Variants in ANKH observed in about 807,000 individuals in gnomAD.
ANKH encodes the protein ANKH inorganic pyrophosphate transport regulator.
A neutral mutation model predicts 49.0 loss-of-function variants in ANKH; 15 were observed. The observed-to-expected ratio is 0.31, with a 90% CI of 0.20 to 0.47. The LOEUF is 0.47. Among genes scored for constraint, ANKH ranks in the 20% least tolerant of loss-of-function variants. The probability of loss-of-function intolerance (pLI) is 1.00; values close to 1 mark genes in which losing one functional copy is unlikely to be tolerated. For synonymous variants in ANKH, 273 were observed against 260.0 expected (o/e 1.05, Z -0.48); for missense variants, 429 against 652.0 (o/e 0.66, Z 3.72).
intron 2 of ANKH, among the ~76,000 whole-genome samples, chr5:14,759,038 G>A (rs1183499218): frequency 6.6e-6 from 1 of 152,180 alleles, no homozygotes; most frequent in Non-Finnish European, 1.5e-5. Context: ...AATGCTTGGT[G>A]GCTAGGTTTG....
At chr5:14,776,219 T>C (rs1739617391) in intron 1 of ANKH, among the ~76,000 whole-genome samples, 1 of 152,120 alleles carries the variant, frequency 6.6e-6, no homozygotes, top group Non-Finnish European at 1.5e-5. Context: ...TTTTCTGGGT[T>C]GAGGAAATGA....
chr5:14,744,608 G>C (rs900135498), intron 7 of ANKH, among the ~76,000 whole-genome samples: 1 of 76,344 alleles, frequency 1.3e-5, no homozygotes, highest in East Asian at 2.5e-4. Flanking sequence ...GAAACTGCTC[G>C]GGAACTGCAG....
At chr5:14,773,363 T>TTTTG in intron 1 of ANKH, among the ~76,000 whole-genome samples, 1 of 145,948 alleles carries the variant, frequency 6.9e-6, no homozygotes, top group African/African-American at 2.5e-5. Context: ...CTTTTTTTTT[T>TTTTG]TTTTTTTTTT....
intron 1 of ANKH, among the ~76,000 whole-genome samples, chr5:14,815,111 T>TA (rs1740993355): frequency 6.6e-6 from 1 of 152,226 alleles, no homozygotes; most frequent in Admixed American, 6.5e-5. Context: ...GTAAACTGTG[T>TA]AGAATATTCT....
intron 1 of ANKH, among the ~76,000 whole-genome samples, chr5:14,795,402 C>T (rs140738388): frequency 2.4e-4 from 37 of 152,240 alleles, no homozygotes; most frequent in African/African-American, 7.2e-4. Context: ...TACAATAATA[C>T]GTTGTGGTTC....
intron 8 of ANKH, among the ~76,000 whole-genome samples, chr5:14,723,707 A>C (rs1737739561): frequency 6.6e-6 from 1 of 152,202 alleles, no homozygotes; most frequent in African/African-American, 2.4e-5. Flanking sequence ...TATTTGACAG[A>C]CTGTGATTCA....
At chr5:14,841,449 C>T (rs1292557850) in intron 1 of ANKH, among the ~76,000 whole-genome samples, 1 of 152,028 alleles carries the variant, frequency 6.6e-6, no homozygotes, top group East Asian at 1.9e-4. Flanking sequence ...GGCATGTGCC[C>T]CAACGCCTGG....
chr5:14,866,093 G>A (rs1034959566), intron 1 of ANKH, among the ~76,000 whole-genome samples: 19 of 152,240 alleles, frequency 1.2e-4, no homozygotes, highest in Admixed American at 8.5e-4. Context: ...TGCAACCTCC[G>A]CCTCCCAGGT....
At chr5:14,823,929 C>T (rs550235972) in intron 1 of ANKH, among the ~76,000 whole-genome samples, 1 of 152,170 alleles carries the variant, frequency 6.6e-6, no homozygotes, top group South Asian at 2.1e-4. Context: ...GACTCCATCT[C>T]AAAAAACAAA....
intron 2 of ANKH, among the ~76,000 whole-genome samples, chr5:14,761,039 G>C (rs1425900783): frequency 6.6e-6 from 1 of 152,176 alleles, no homozygotes; most frequent in African/African-American, 2.4e-5. Context: ...CGGATATTCA[G>C]ATACAGAGGC....
At chr5:14,833,389 T>G (rs1561075979) in intron 1 of ANKH, among the ~76,000 whole-genome samples, 1 of 152,184 alleles carries the variant, frequency 6.6e-6, no homozygotes, top group South Asian at 2.1e-4. Context: ...TCGCTATTCA[T>G]GGGAATGGGT....
chr5:14,732,689 C>T (rs953007516), intron 8 of ANKH, among the ~76,000 whole-genome samples: 2 of 152,088 alleles, frequency 1.3e-5, no homozygotes, highest in African/African-American at 4.8e-5. Flanking sequence ...CTTTTAAAGT[C>T]TTAAAAGGTG....
At chr5:14,864,144 T>C (rs1735578819) in intron 1 of ANKH, among the ~76,000 whole-genome samples, 2 of 152,196 alleles carry the variant, frequency 1.3e-5, no homozygotes, top group South Asian at 4.1e-4. Context: ...GCCCCGGAAT[T>C]TGAGGCTGCA....
intron 1 of ANKH, among the ~76,000 whole-genome samples, chr5:14,808,644 A>G (rs1740778418): frequency 6.6e-6 from 1 of 151,876 alleles, no homozygotes; most frequent in Admixed American, 6.6e-5. Context: ...ATATCATCTC[A>G]CACCAGTTAG....
chr5:14,761,507 A>C (rs1739078570), intron 2 of ANKH, among the ~76,000 whole-genome samples: 1 of 152,156 alleles, frequency 6.6e-6, no homozygotes, highest in Non-Finnish European at 1.5e-5. Context: ...AACTCATCTG[A>C]GTAAGGGCAT....
At chr5:14,785,076 G>A (rs971423611) in intron 1 of ANKH, among the ~76,000 whole-genome samples, 13 of 152,208 alleles carry the variant, frequency 8.5e-5, no homozygotes, top group Non-Finnish European at 2.9e-5. Flanking sequence ...GCTGAGGTCT[G>A]AGAGCAGACA....
chr5:14,778,935 C>T (rs372197282), intron 1 of ANKH, among the ~76,000 whole-genome samples: 1 of 152,180 alleles, frequency 6.6e-6, no homozygotes, highest in Admixed American at 6.5e-5. Flanking sequence ...CCCAGTTACC[C>T]CTCTAGTCTT....
chr5:14,797,431 G>T, intron 1 of ANKH: 1 of 1,611,136 alleles, frequency 6.2e-7, no homozygotes, highest in African/African-American at 1.3e-5. Flanking sequence ...GGTGACCACT[G>T]AACCTGGAAT....
chr5:14,870,758 GAA>G (rs545521089), intron 1 of ANKH: 21 of 87,754 alleles, frequency 2.4e-4, no homozygotes, highest in South Asian at 5.4e-4. Context: ...AGTGGTCCAT[GAA>G]AAAAAAAAAA....
Sources: allele counts gnomAD v4.1 joint callset (sites outside exome capture counted in the v4.1 genomes callset), GRCh38; gene constraint gnomAD v4.1.1; transcripts MANE v1.5; gene names NCBI Gene and HGNC (gene_info 2026-07-23, HGNC 2026-07-21).